The following PITPNM2 variants were observed in gnomAD, a reference collection of about 807,000 sequenced individuals.
PITPNM2 encodes phosphatidylinositol transfer protein membrane associated 2.
In PITPNM2, 35 loss-of-function variants were observed where a neutral mutation model predicts 132.2. That is an observed-to-expected ratio of 0.26 (90% CI 0.20 to 0.35). The LOEUF is 0.35. Ranked by LOEUF, PITPNM2 falls within the 10% of genes least tolerant of loss-of-function variation. PITPNM2 has a pLI of 1.00. For missense variants in PITPNM2, 1,332 were observed against 1,912.0 expected (o/e 0.70, Z 5.66); for synonymous variants, 738 against 799.2 (o/e 0.92, Z 1.29).
chr12:123,101,975 C>T (rs957820097), intron 2 of PITPNM2, among the ~76,000 whole-genome samples: 1 of 152,196 alleles, frequency 6.6e-6, no homozygotes, highest in East Asian at 1.9e-4. Flanking sequence ...GATTGTACCA[C>T]CGTACTCCAG....
At chr12:123,116,554 C>A (rs2042939460) in intron 1 of PITPNM2, among the ~76,000 whole-genome samples, 1 of 150,232 alleles carries the variant, frequency 6.7e-6, no homozygotes, top group African/African-American at 2.5e-5. Flanking sequence ...GAGGCCGAAG[C>A]AGGAGAATTG....
rs956211453 is a variant in PITPNM2, at chr12:122,993,967, C to G, written c.2233+834G>C. On this transcript the variant is annotated intron_variant, in intron 15 of 25. Coordinates refer to ENST00000320201, the MANE Select transcript of PITPNM2 (RefSeq NM_020845.3). This position sits in a 1 kb window ranked among gnomAD's most constrained non-coding sequence, Gnocchi z 5.2. The stretch of plus-strand genomic sequence containing the variant: ...TGGCTCACCGCAACCTCCGCCCTCC[C>G]GTGTTCAGGCGATTCTCCTGCCTCA... Among the ~76,000 whole-genome samples the G allele has an allele frequency of 1.3e-5, 2 of 152,096 alleles. No homozygotes were observed. The highest frequency in any genetic ancestry group is 2.4e-5 in the African/African-American group (1 of 41,412).
intron 1 of PITPNM2, among the ~76,000 whole-genome samples, chr12:123,112,470 G>A (rs1436437900): frequency 1.3e-5 from 2 of 151,820 alleles, no homozygotes; most frequent in African/African-American, 2.4e-5. Flanking sequence ...ATAATACATC[G>A]TGTTGCTGTT....
intron 1 of PITPNM2, among the ~76,000 whole-genome samples, chr12:123,128,594 A>C (rs1443200973): frequency 1.3e-5 from 2 of 151,776 alleles, no homozygotes; most frequent in African/African-American, 4.8e-5. Context: ...TCTACTAAAA[A>C]TACAAAAAAT....
At chr12:123,124,141 A>C (rs969542294) in intron 1 of PITPNM2, among the ~76,000 whole-genome samples, 6 of 152,056 alleles carry the variant, frequency 3.9e-5, no homozygotes, top group Non-Finnish European at 7.4e-5. Context: ...CTGTAACCCC[A>C]GCTACTCGGG....
Position 123,014,045 on chromosome 12 carries a change from G to A in PITPNM2, c.79-3C>T. The A allele has an allele frequency of 6.2e-7, 1 of 1,614,148 alleles. No homozygotes were observed. The highest frequency in any genetic ancestry group is 8.5e-7 in the Non-Finnish European group (1 of 1,179,992). On this transcript the variant is annotated splice_region_variant and splice_polypyrimidine_tract_variant and intron_variant, in intron 3 of 25. Transcript: ENST00000320201. ...TATGTCTCGTTACGGCTCTTCTTCT[G>A]TGGGGACAAAAGCACCTGCAATGTG...
chr12:123,118,971 C>T (rs534571193), intron 1 of PITPNM2, among the ~76,000 whole-genome samples: 3 of 152,184 alleles, frequency 2.0e-5, no homozygotes, highest in Admixed American at 6.5e-5. Context: ...CAGTGTCACT[C>T]GGCTGTGTCC....
chr12:123,094,825 T>C (rs909709387), intron 2 of PITPNM2, among the ~76,000 whole-genome samples: 1 of 152,202 alleles, frequency 6.6e-6, no homozygotes, highest in Non-Finnish European at 1.5e-5. Context: ...CTCCTGGCTC[T>C]GACCCCACGT....
Position 123,001,178 on chromosome 12 carries a change from A to G in PITPNM2, c.1049-20T>C, listed in dbSNP as rs1373621092. On this transcript the variant is annotated intron_variant, in intron 8 of 25. Coordinates refer to ENST00000320201, the MANE Select transcript of PITPNM2 (RefSeq NM_020845.3). ...GGTCCTCTGGAGAGGAGAGAGGGAA[A>G]CTCAGGTGGGACTGGGAACGCTGGG... 11 of 1,600,370 alleles carry G rather than the reference A, an allele frequency of 6.9e-6. No individual in the cohort carries two copies. The highest frequency in any genetic ancestry group is 1.7e-5 in the Admixed American group (1 of 59,968).
In PITPNM2 at chr12:122,992,654, G is replaced by A. The variant is rs747180805; in HGVS notation, c.2249C>T (p.Pro750Leu). The change falls in exon 16 of 26, where the codon CCG becomes CTG. Residue 750 changes from proline (P) to leucine (L), a missense_variant. By Grantham distance (98) the Pro-to-Leu change is moderately conservative. Transcript: ENST00000320201. This position sits in a 1 kb window ranked among gnomAD's most constrained non-coding sequence, Gnocchi z 6.5. ...IPALDVFQLR[P>L]ACQQVYNLFH... ...GAGGTTGTAGACTTGCTGGCAGGCC[G>A]GCCGCAGCTGGAAAACTGGGGGTGG... 6.4e-6 allele frequency: 10 copies of A among 1,560,906 alleles called. No homozygotes were observed. Among genetic ancestry groups the A allele is most frequent in the South Asian group, 1.2e-5 (1 of 84,374 alleles).
chr12:122,995,451 C>T lies in PITPNM2; in HGVS notation c.1992G>A (p.Lys664=). 1 of 1,613,950 alleles carries T rather than the reference C, an allele frequency of 6.2e-7. No homozygotes were observed. The highest frequency in any genetic ancestry group is 2.2e-5 in the East Asian group (1 of 44,880). Residue 664 remains lysine (K), a synonymous_variant, in exon 14 of 26, where the codon AAG becomes AAA. Coordinates refer to ENST00000320201, the MANE Select transcript of PITPNM2 (RefSeq NM_020845.3). ...TEDPKRQLPR[K]RSDSSTYELD... is the part of the protein sequence containing the mutation. ...GCTCGTAGGTGGATGAGTCGCTCCT[C>T]TTGCGGGGCAGTTGCCTTTTGGGGT... is the stretch of plus-strand genomic sequence containing the variant.
At chr12:122,991,937 A>G in intron 16 of PITPNM2, 1 of 1,304,444 alleles carries the variant, frequency 7.7e-7, no homozygotes, top group Non-Finnish European at 9.7e-7. Flanking sequence ...ACAAGAACAG[A>G]CACTTGCATG....
chr12:123,041,837 A>G (rs1274374903), intron 2 of PITPNM2, among the ~76,000 whole-genome samples: 4 of 151,978 alleles, frequency 2.6e-5, no homozygotes, highest in Non-Finnish European at 5.9e-5. Flanking sequence ...GCTCTGCTCC[A>G]GGGATGACAG....
rs758577527 is a variant in PITPNM2 at position 123,005,554 on chromosome 12, C to T, written c.644-6G>A. ...CACCATCACCCTCCGTAGTCCTGTG[C>T]CCCATGGGGATCAGAGAGGGAGAGA... On this transcript the variant is annotated splice_region_variant and splice_polypyrimidine_tract_variant and intron_variant, in intron 6 of 25. Coordinates refer to ENST00000320201, the MANE Select transcript of PITPNM2 (RefSeq NM_020845.3). The surrounding 1 kb of genome is among the most constrained non-coding windows in gnomAD (Gnocchi z 6.2). The T allele has an allele frequency of 8.7e-6, 14 of 1,609,760 alleles. No individual in the cohort carries two copies. The Admixed American group carries it at 2.0e-4, about 23-fold the overall frequency.
intron 3 of PITPNM2, among the ~76,000 whole-genome samples, chr12:123,021,502 T>G (rs1377846372): frequency 6.6e-6 from 1 of 152,050 alleles, no homozygotes; most frequent in Non-Finnish European, 1.5e-5. Flanking sequence ...CCCAGCTAGT[T>G]TTTTATTTTT....
At chr12:123,104,696 C>T (rs749500560) in intron 2 of PITPNM2, among the ~76,000 whole-genome samples, 2 of 152,092 alleles carry the variant, frequency 1.3e-5, no homozygotes, top group Non-Finnish European at 2.9e-5. Flanking sequence ...TATCTCCCTT[C>T]GCTGACTCTC....
intron 2 of PITPNM2, chr12:123,090,216 G>C (rs745991994): frequency 6.6e-6 from 1 of 152,294 alleles, no homozygotes; most frequent in East Asian, 1.9e-4. Flanking sequence ...ACTCATGTAC[G>C]TGACTGATAA....
intron 2 of PITPNM2, among the ~76,000 whole-genome samples, chr12:123,073,242 C>G (rs566464426): frequency 6.6e-6 from 1 of 152,158 alleles, no homozygotes; most frequent in African/African-American, 2.4e-5. Flanking sequence ...CTCTAAGCTA[C>G]GGAAAAATTG....
At chr12:123,006,904 A>ATCTTACAGT (rs1566243525) in intron 6 of PITPNM2, among the ~76,000 whole-genome samples, 1 of 152,108 alleles carries the variant, frequency 6.6e-6, no homozygotes, top group Non-Finnish European at 1.5e-5. Context: ...CCAAACTGTT[A>ATCTTACAGT]TCTTACAATG....
Sources: allele counts gnomAD v4.1 joint callset (sites outside exome capture counted in the v4.1 genomes callset), GRCh38; gene constraint gnomAD v4.1.1; non-coding constraint Gnocchi (gnomAD v3.1); transcripts MANE v1.5; gene names NCBI Gene and HGNC (gene_info 2026-07-23, HGNC 2026-07-21).